The following PSMB1 variants were observed in gnomAD, a reference collection of about 807,000 sequenced individuals.
The protein encoded by PSMB1 is proteasome 20S subunit beta 1.
PSMB1 carries 7 observed loss-of-function variants against 25.4 expected under a neutral mutation model. The ratio of observed to expected loss-of-function variants is 0.28; its 90% CI spans 0.16 to 0.52. The LOEUF is 0.52. Ranked by LOEUF, PSMB1 falls within the 20% of genes least tolerant of loss-of-function variation. PSMB1 has a pLI of 0.97. For missense variants in PSMB1, 284 were observed against 302.2 expected (o/e 0.94, Z 0.45); for synonymous variants, 119 against 115.0 (o/e 1.03, Z -0.22).
intron 4 of PSMB1, among the ~76,000 whole-genome samples, chr6:170,543,260 T>C (rs1778777200): frequency 6.6e-6 from 1 of 152,178 alleles, no homozygotes. Context: ...AGTGTATTTG[T>C]TAATAAAAAA....
chr6:170,540,967 G>A (rs1403625781), intron 4 of PSMB1, among the ~76,000 whole-genome samples: 1 of 151,836 alleles, frequency 6.6e-6, no homozygotes, highest in Non-Finnish European at 1.5e-5. Context: ...TGGAGAAAGA[G>A]GATAAAACAA....
intron 3 of PSMB1, among the ~76,000 whole-genome samples, chr6:170,544,309 C>T (rs1466402835): frequency 6.6e-6 from 1 of 152,200 alleles, no homozygotes; most frequent in East Asian, 1.9e-4. Context: ...AGACACAGGG[C>T]AGCACCCTTA....
chr6:170,540,302 T>C (rs1475218890), intron 4 of PSMB1, among the ~76,000 whole-genome samples: 5 of 152,038 alleles, frequency 3.3e-5, no homozygotes, highest in Admixed American at 3.3e-4. Flanking sequence ...GGGACCAGGC[T>C]CTAGAGTGGC....
At chr6:170,543,316 G>A (rs1041350387) in intron 4 of PSMB1, among the ~76,000 whole-genome samples, 5 of 152,068 alleles carry the variant, frequency 3.3e-5, no homozygotes, top group Non-Finnish European at 5.9e-5. Flanking sequence ...TTCTAGGTCC[G>A]ATTTCTTTCT....
intron 1 of PSMB1, among the ~76,000 whole-genome samples, chr6:170,551,407 G>A (rs1259480223): frequency 6.6e-6 from 1 of 152,198 alleles, no homozygotes; most frequent in Non-Finnish European, 1.5e-5. Context: ...TAGGAAAAGA[G>A]AATGAGGCCT....
chr6:170,546,487 C>T (rs1423518435), intron 2 of PSMB1, among the ~76,000 whole-genome samples: 5 of 152,120 alleles, frequency 3.3e-5, no homozygotes, highest in Non-Finnish European at 2.9e-5. Flanking sequence ...ATTTTTGAGA[C>T]GGAGTTTCGC....
chr6:170,548,811 C>T (rs548141520), intron 2 of PSMB1, among the ~76,000 whole-genome samples, 195 bp downstream of exon 2: 1 of 152,112 alleles, frequency 6.6e-6, no homozygotes, highest in South Asian at 2.1e-4. Flanking sequence ...CTTTTGGTAC[C>T]CTGAATACAG....
intron 1 of PSMB1, among the ~76,000 whole-genome samples, chr6:170,551,792 T>C (rs1778906518): frequency 6.6e-6 from 1 of 152,222 alleles, no homozygotes; most frequent in African/African-American, 2.4e-5. Context: ...TAACGTCTAA[T>C]ATAACCCTAG....
chr6:170,546,071 A>T, intron 3 of PSMB1, 32 bp downstream of exon 3: 1 of 1,544,004 alleles, frequency 6.5e-7, no homozygotes, highest in South Asian at 1.1e-5. Flanking sequence ...CTATTAATTT[A>T]AAATAGTGTA....
intron 1 of PSMB1, chr6:170,549,394 T>G (rs1778863214): frequency 2.9e-6 from 1 of 347,514 alleles, no homozygotes; most frequent in East Asian, 5.2e-5. Context: ...AAATACTTAC[T>G]CGCGCAAGGT....
intron 2 of PSMB1, among the ~76,000 whole-genome samples, chr6:170,547,967 G>A (rs1254260664): frequency 6.6e-6 from 1 of 151,022 alleles, no homozygotes; most frequent in African/African-American, 2.5e-5. Flanking sequence ...GTACAAGGAT[G>A]GTATCCATAA....
At position 170,551,778 on chromosome 6, in the gene PSMB1, A is replaced by G. The variant is rs550881529; in HGVS notation, c.113+1352T>C. Among the ~76,000 whole-genome samples the G allele has an allele frequency of 3.3e-5, 5 of 152,350 alleles. No homozygotes were observed. In the South Asian group the frequency reaches 1.0e-3, roughly 32 times the overall value. On this transcript the variant is annotated intron_variant, in intron 1 of 5. Transcript: ENST00000262193. The stretch of plus-strand genomic sequence containing the variant: ...TTCACACCAGCTCTCTGACCCTGAC[A>G]GTTTAACGTCTAATATAACCCTAGG...
chr6:170,542,897 A>T (rs1326900187), intron 4 of PSMB1, among the ~76,000 whole-genome samples: 1 of 152,118 alleles, frequency 6.6e-6, no homozygotes, highest in Non-Finnish European at 1.5e-5. Context: ...CTACTTATCC[A>T]TCTGTGTCAA....
Position 170,546,474 on chromosome 6 carries a change from C to T in PSMB1, c.222-290G>A, listed in dbSNP as rs149756635. Reference sequence around the variant, plus strand: ...GAAGATACGTAGGTAGGTTAATTGACTGATTTTTGAGACGGAGTTTCGCTC... The same window carrying T: ...GAAGATACGTAGGTAGGTTAATTGATTGATTTTTGAGACGGAGTTTCGCTC... On this transcript the variant is annotated intron_variant, in intron 2 of 5. Transcript: ENST00000262193. 3.9e-5 allele frequency among the ~76,000 whole-genome samples: 6 copies of T among 152,090 alleles called. 1 individual carries two copies. Among genetic ancestry groups the T allele is most frequent in the Non-Finnish European group, 8.8e-5 (6 of 67,978 alleles).
intron 4 of PSMB1, 89 bp from the exon 5 acceptor site, chr6:170,537,429 A>T (rs1778708164): frequency 9.7e-7 from 1 of 1,025,736 alleles, no homozygotes; most frequent in Non-Finnish European, 1.5e-6. Context: ...ACGTGACACA[A>T]AACGGACTAT....
At chr6:170,540,226 G>C (rs920223712) in intron 4 of PSMB1, among the ~76,000 whole-genome samples, 1 of 152,148 alleles carries the variant, frequency 6.6e-6, no homozygotes, top group Non-Finnish European at 1.5e-5. Flanking sequence ...CCAGGTCCCT[G>C]CATCCACCAA....
intron 2 of PSMB1, among the ~76,000 whole-genome samples, chr6:170,546,419 G>A (rs1778819524): frequency 6.6e-6 from 1 of 152,110 alleles, no homozygotes. Context: ...ATAAATCATG[G>A]GTGAATTTTT....
intron 4 of PSMB1, 40 bp downstream of exon 4, chr6:170,543,561 C>T: frequency 1.3e-6 from 2 of 1,549,052 alleles, no homozygotes; most frequent in Non-Finnish European, 8.8e-7. Context: ...GGAATAATAA[C>T]TCCTCCCCCC....
intron 4 of PSMB1, among the ~76,000 whole-genome samples, chr6:170,539,744 A>C (rs1778734825): frequency 6.6e-6 from 1 of 152,194 alleles, no homozygotes; most frequent in South Asian, 2.1e-4. Flanking sequence ...TATTCTAGCA[A>C]GACAAGCATA....
Sources: gnomAD v4.1 joint callset for allele counts (sites outside exome capture counted in the v4.1 genomes callset) on GRCh38, gnomAD v4.1.1 for gene constraint, MANE v1.5 for transcripts, NCBI Gene and HGNC (gene_info 2026-07-23, HGNC 2026-07-21) for gene names.